Variants in SUCLG2 observed in about 807,000 individuals in gnomAD.
SUCLG2 encodes the protein succinate--CoA ligase [GDP-forming] subunit beta, mitochondrial.
In SUCLG2, 42 loss-of-function variants were observed where a neutral mutation model predicts 47.9. The observed-to-expected ratio is 0.88, with a 90% confidence interval of 0.69 to 1.14. SUCLG2 has a LOEUF of 1.14. Among genes scored for constraint, SUCLG2 ranks in the 50% most tolerant of loss-of-function variants. The pLI, the probability that SUCLG2 is intolerant of heterozygous loss-of-function variation, is 0.00. For missense variants in SUCLG2, 571 were observed against 525.9 expected (o/e 1.09, Z -0.84); for synonymous variants, 195 against 197.3 (o/e 0.99, Z 0.10).
chr3:67,418,721 C>A (rs1261642664), intron 9 of SUCLG2, among the ~76,000 whole-genome samples: 1 of 152,168 alleles, frequency 6.6e-6, no homozygotes, highest in Non-Finnish European at 1.5e-5. Context: ...AGCCATCCTG[C>A]CTGCTGTTCC....
Position 67,654,571 on chromosome 3 carries a change from C to T in SUCLG2, c.16G>A (p.Ala6Thr). 7.8e-7 allele frequency: 1 copy of T among 1,274,338 alleles called. No individual in the cohort carries two copies. Among genetic ancestry groups the T allele is most frequent in the South Asian group, 3.7e-5 (1 of 27,218 alleles). The allele number at this position is 1,274,338 out of a possible 1,614,324, so 78.9% of individuals were successfully genotyped here. The change falls in exon 1 of 11, where the codon GCA (alanine) becomes ACA (threonine). Residue 6 changes from alanine to threonine, a missense_variant. Ala to Thr is a moderately conservative substitution (Grantham distance 58, BLOSUM62 0). Coordinates refer to ENST00000307227, the MANE Select transcript of SUCLG2 (RefSeq NM_003848.4). ...CGCAGAAGCTTCCCGGCCTGCGCTGCTACGGGGGACGCCATCTTAAACAGG... is the reference window on the plus strand; with the variant it reads ...CGCAGAAGCTTCCCGGCCTGCGCTGTTACGGGGGACGCCATCTTAAACAGG... MASPV[A>T]AQAGKLLRAL...
chr3:67,424,319 G>T (rs1198040674), intron 9 of SUCLG2, among the ~76,000 whole-genome samples: 1 of 152,160 alleles, frequency 6.6e-6, no homozygotes, highest in Non-Finnish European at 1.5e-5. Context: ...TCACAAACCG[G>T]ATTATCTTTT....
downstream of SUCLG2, among the ~76,000 whole-genome samples, chr3:67,373,952 G>C (rs1001332735): frequency 6.6e-6 from 1 of 152,120 alleles, no homozygotes; most frequent in Non-Finnish European, 1.5e-5. Flanking sequence ...CTATTTCCTT[G>C]TTATTAACCC....
chr3:67,512,988 A>T (rs1373295362), intron 6 of SUCLG2, among the ~76,000 whole-genome samples: 1 of 150,806 alleles, frequency 6.6e-6, no homozygotes, highest in Non-Finnish European at 1.5e-5. Flanking sequence ...ATACGTATAG[A>T]TATATATAGA....
chr3:67,498,671 T>C (rs546254412), intron 7 of SUCLG2, among the ~76,000 whole-genome samples: 3 of 152,320 alleles, frequency 2.0e-5, no homozygotes, highest in African/African-American at 4.8e-5. Flanking sequence ...TTCTCTTCTA[T>C]GTAAAGAGAG....
chr3:67,582,395 G>C (rs1334989753), intron 2 of SUCLG2, among the ~76,000 whole-genome samples: 19 of 152,158 alleles, frequency 1.2e-4, no homozygotes, highest in Admixed American at 1.2e-3. Flanking sequence ...AGGATAGTTT[G>C]CTTAGGATAA....
chr3:67,448,671 A>G (rs1210128414), intron 9 of SUCLG2, among the ~76,000 whole-genome samples: 1 of 152,218 alleles, frequency 6.6e-6, no homozygotes, highest in African/African-American at 2.4e-5. Context: ...GATAACAATT[A>G]AAATATTAAT....
At chr3:67,466,153 G>T (rs1029758270) in intron 9 of SUCLG2, among the ~76,000 whole-genome samples, 14 of 152,188 alleles carry the variant, frequency 9.2e-5, no homozygotes, top group Middle Eastern at 3.4e-3. Context: ...AGGAGTTCGA[G>T]ACCAGCCTGG....
In SUCLG2 at chr3:67,414,917, G is replaced by A. The variant is rs545555774; in HGVS notation, c.1063-14066C>T. On this transcript the variant is annotated intron_variant, in intron 9 of 10. Coordinates refer to ENST00000307227, the MANE Select transcript of SUCLG2 (RefSeq NM_003848.4). ...GTTGCCCAGGCTGGAGTGCAATGTC[G>A]CAATCACAGCTCATTGCAGACTTGA... 1.6e-4 allele frequency among the ~76,000 whole-genome samples: 25 copies of A among 152,206 alleles called. No homozygotes were observed. The South Asian group carries it at 2.1e-3, about 13-fold the overall frequency.
chr3:67,448,683 T>A (rs1486583578), intron 9 of SUCLG2, among the ~76,000 whole-genome samples: 1 of 152,240 alleles, frequency 6.6e-6, no homozygotes, highest in East Asian at 1.9e-4. Flanking sequence ...AATATTAATA[T>A]GTTGCTTTAG....
intron 10 of SUCLG2, among the ~76,000 whole-genome samples, chr3:67,394,363 T>C (rs1401539406): frequency 6.6e-6 from 1 of 150,682 alleles, no homozygotes; most frequent in Non-Finnish European, 1.5e-5. Context: ...GCTCGAGAAC[T>C]ACTTGAAGAA....
chr3:67,604,791 C>T (rs562835115), intron 2 of SUCLG2, among the ~76,000 whole-genome samples: 3 of 152,076 alleles, frequency 2.0e-5, no homozygotes, highest in Non-Finnish European at 2.9e-5. Context: ...CGAGACAATC[C>T]GCAGAGAAGT....
Position 67,524,833 on chromosome 3 carries a change from T to C in SUCLG2, c.417+3299A>G, listed in dbSNP as rs571168368. 8.5e-5 allele frequency among the ~76,000 whole-genome samples: 13 copies of C among 152,316 alleles called. 1 individual carries two copies. In the East Asian group the frequency reaches 2.3e-3, roughly 27 times the overall value. ...CGTATGGTAGTGAGTCTCCTATGTT[T>C]TCTTTGGCCTCATAAATCTCAGGCA... On this transcript the variant is annotated intron_variant, in intron 4 of 10. Transcript: ENST00000307227.
At chr3:67,626,513 GAGC>G (rs1700832484) in intron 1 of SUCLG2, among the ~76,000 whole-genome samples, 1 of 152,096 alleles carries the variant, frequency 6.6e-6, no homozygotes, top group African/African-American at 2.4e-5. Context: ...TAGGGCACAA[GAGC>G]AAGAATGATG....
chr3:67,369,253 GT>G (rs1162540556), intron 10 of SUCLG2, among the ~76,000 whole-genome samples: 2 of 152,042 alleles, frequency 1.3e-5, no homozygotes, highest in African/African-American at 4.8e-5. Context: ...TTTAAAAAAT[GT>G]TTTTCTTCAG....
At position 67,613,209 on chromosome 3, in the gene SUCLG2, G is replaced by C. The variant is rs375463638; in HGVS notation, c.85-3613C>G. On this transcript the variant is annotated intron_variant, in intron 1 of 10. Transcript: ENST00000307227. ...CCCCAGAGACTGGGAGGATGGAACC[G>C]AAAGTCCCAACCCTCTAATTATGCT... 1.5e-4 allele frequency among the ~76,000 whole-genome samples: 23 copies of C among 152,256 alleles called. No individual in the cohort carries two copies. The East Asian group carries it at 4.2e-3, about 28-fold the overall frequency.
At chr3:67,498,050 T>C (rs1705395061) in intron 8 of SUCLG2, 84 bp downstream of exon 8, 1 of 1,392,712 alleles carries the variant, frequency 7.2e-7, no homozygotes, top group Non-Finnish European at 9.8e-7. Flanking sequence ...TTACTTCTTC[T>C]TGGTAAGTGA....
At chr3:67,407,166 A>T (rs1702832523) in intron 9 of SUCLG2, among the ~76,000 whole-genome samples, 1 of 152,200 alleles carries the variant, frequency 6.6e-6, no homozygotes, top group Non-Finnish European at 1.5e-5. Flanking sequence ...TTCCAATAAA[A>T]CTTTATTTAC....
chr3:67,538,524 A>G (rs1221319214), intron 2 of SUCLG2, among the ~76,000 whole-genome samples: 1 of 151,944 alleles, frequency 6.6e-6, no homozygotes. Flanking sequence ...TTTGCTTAGG[A>G]TTGTCTTTGT....
Sources: gnomAD v4.1 joint callset for allele counts (sites outside exome capture counted in the v4.1 genomes callset) on GRCh38, gnomAD v4.1.1 for gene constraint, MANE v1.5 for transcripts, NCBI Gene and HGNC (gene_info 2026-07-23, HGNC 2026-07-21) for gene names.